The following FAM193A variants were observed in gnomAD, a reference collection of about 807,000 sequenced individuals.
FAM193A encodes family with sequence similarity 193 member A, also known as protein FAM193A.
In FAM193A, 22 loss-of-function variants were observed where a neutral mutation model predicts 126.5. That is an observed-to-expected ratio of 0.17 (90% CI 0.12 to 0.25). The LOEUF (loss-of-function observed/expected upper bound fraction) is 0.25, where lower values mean the gene tolerates loss of function less well. FAM193A is among the 10% of genes least tolerant of loss of function. FAM193A has a pLI of 1.00. For missense variants in FAM193A, 1,675 were observed against 1,672.8 expected (o/e 1.00, Z -0.02); for synonymous variants, 761 against 646.8 (o/e 1.18, Z -2.68).
At chr4:2,543,895 A>AC (rs1553883649) in intron 1 of FAM193A, among the ~76,000 whole-genome samples, 12 of 132,556 alleles carry the variant, frequency 9.1e-5, no homozygotes, top group Admixed American at 2.9e-4. Flanking sequence ...AAAAAAAAAA[A>AC]CCAAAAAATT....
At chr4:2,714,426 T>C (rs1719326442) in intron 19 of FAM193A, among the ~76,000 whole-genome samples, 1 of 152,092 alleles carries the variant, frequency 6.6e-6, no homozygotes, top group Non-Finnish European at 1.5e-5. Flanking sequence ...ACCTAATCTT[T>C]CCCTTCCTCC....
At chr4:2,574,569 A>G (rs946663604) in intron 1 of FAM193A, among the ~76,000 whole-genome samples, 5 of 152,162 alleles carry the variant, frequency 3.3e-5, no homozygotes, top group African/African-American at 1.2e-4. Context: ...GGTTGGCGGA[A>G]GAAGAGCATC....
chr4:2,718,426 TA>T (rs34035153), intron 20 of FAM193A, among the ~76,000 whole-genome samples: 75,191 of 148,296 alleles, frequency 0.51, 19,106 homozygotes, highest in Admixed American at 0.63. Context: ...TGTCAGTAAT[TA>T]AAAAAAAAAA....
chr4:2,723,206 G>A (rs996282370), intron 20 of FAM193A, among the ~76,000 whole-genome samples: 2 of 152,102 alleles, frequency 1.3e-5, no homozygotes, highest in African/African-American at 4.8e-5. Flanking sequence ...TCCAGGAGGC[G>A]GAAGTTGCAG....
intron 2 of FAM193A, among the ~76,000 whole-genome samples, chr4:2,623,152 C>T (rs1180533254): frequency 6.6e-6 from 1 of 151,824 alleles, no homozygotes; most frequent in African/African-American, 2.4e-5. Context: ...TGTGTGCTGG[C>T]GGCAGCTGAG....
In FAM193A at chr4:2,641,516, G is replaced by A. The variant is rs531663723; in HGVS notation, c.1163+1657G>A. On this transcript the variant is annotated intron_variant, in intron 6 of 20. Transcript: ENST00000637812. The stretch of plus-strand genomic sequence containing the variant: ...TAAAAATACAAAAAATTAGCCGGGC[G>A]TAGTGGCGCATGCCTGTAGTCCCAG... Among the ~76,000 whole-genome samples, 26 of 152,106 alleles carry A rather than the reference G, an allele frequency of 1.7e-4. No homozygotes were observed. In the East Asian group the frequency reaches 4.5e-3, roughly 26 times the overall value.
intron 1 of FAM193A, among the ~76,000 whole-genome samples, chr4:2,577,886 A>C (rs572959705): frequency 5.3e-4 from 81 of 152,300 alleles, no homozygotes; most frequent in African/African-American, 1.9e-3. Context: ...CCAGACATCT[A>C]AAGTTTTGTT....
chr4:2,634,060 C>G (rs1743860211), intron 5 of FAM193A, among the ~76,000 whole-genome samples: 1 of 152,170 alleles, frequency 6.6e-6, no homozygotes, highest in East Asian at 1.9e-4. Context: ...AAGAGACAAC[C>G]TAGCCCAGGA....
intron 13 of FAM193A, among the ~76,000 whole-genome samples, chr4:2,685,277 G>A (rs75012485): frequency 0.048 from 7,264 of 152,268 alleles, 489 homozygotes; most frequent in African/African-American, 0.16. Context: ...GAGGGCCAGG[G>A]TGTATCTTTA....
At chr4:2,535,531 G>A (rs144836783), upstream of FAM193A, among the ~76,000 whole-genome samples, 466 of 152,346 alleles carry the variant, frequency 3.1e-3, no homozygotes, top group African/African-American at 0.01. Flanking sequence ...CTGTGTCTGT[G>A]GTAAGCGGGG....
intron 1 of FAM193A, among the ~76,000 whole-genome samples, chr4:2,570,019 C>G (rs530784351): frequency 5.2e-4 from 79 of 152,238 alleles, no homozygotes; most frequent in Non-Finnish European, 7.8e-4. Flanking sequence ...GGGTCAGATG[C>G]TGGATAAGTC....
intron 19 of FAM193A, among the ~76,000 whole-genome samples, chr4:2,706,981 G>C (rs1190066792): frequency 6.6e-6 from 1 of 151,980 alleles, no homozygotes; most frequent in Admixed American, 6.6e-5. Flanking sequence ...AATTAGCCAG[G>C]TGTGGTGGCG....
chr4:2,660,135 A>C, intron 10 of FAM193A, 81 bp downstream of exon 10: 1 of 1,406,126 alleles, frequency 7.1e-7, no homozygotes, highest in Non-Finnish European at 9.8e-7. Flanking sequence ...TGTCCACAGA[A>C]GTATGAACAT....
intron 2 of FAM193A, among the ~76,000 whole-genome samples, chr4:2,602,683 C>CCT (rs1741270497): frequency 1.3e-5 from 2 of 151,298 alleles, no homozygotes; most frequent in Non-Finnish European, 2.9e-5. Context: ...TGTTTTGTGA[C>CCT]GGAATCTCGC....
chr4:2,682,674 T>C (rs1715288108), intron 13 of FAM193A, among the ~76,000 whole-genome samples: 1 of 152,250 alleles, frequency 6.6e-6, no homozygotes, highest in African/African-American at 2.4e-5. Flanking sequence ...TTTATCTTTT[T>C]TAAAATTTCT....
chr4:2,572,982 A>T (rs1739380089), intron 1 of FAM193A, among the ~76,000 whole-genome samples: 1 of 152,078 alleles, frequency 6.6e-6, no homozygotes. Context: ...TCCTCTGCAT[A>T]GGGAATACTA....
At chr4:2,680,709 T>G (rs2109211679) in intron 13 of FAM193A, among the ~76,000 whole-genome samples, 1 of 152,176 alleles carries the variant, frequency 6.6e-6, no homozygotes, top group South Asian at 2.1e-4. Flanking sequence ...TGGCACCATC[T>G]TGGCTCACTG....
intron 2 of FAM193A, among the ~76,000 whole-genome samples, chr4:2,609,051 T>A (rs1163678171): frequency 2.0e-5 from 3 of 151,846 alleles, no homozygotes; most frequent in Admixed American, 1.3e-4. Flanking sequence ...CCACCACGGC[T>A]GGCTAATTTT....
intron 1 of FAM193A, among the ~76,000 whole-genome samples, chr4:2,577,993 T>C (rs1739704527): frequency 6.6e-6 from 1 of 152,232 alleles, no homozygotes; most frequent in African/African-American, 2.4e-5. Flanking sequence ...CTGTGGTAGC[T>C]ACTGGGAATA....
Sources: gnomAD v4.1 joint callset for allele counts (sites outside exome capture counted in the v4.1 genomes callset) on GRCh38, gnomAD v4.1.1 for gene constraint, MANE v1.5 for transcripts, NCBI Gene and HGNC (gene_info 2026-07-23, HGNC 2026-07-21) for gene names.